ASIC2: variants seen among roughly 807,000 people sequenced by gnomAD.
ASIC2 encodes acid-sensing ion channel 2.
A neutral mutation model predicts 57.3 loss-of-function variants in ASIC2; 25 were observed. The ratio of observed to expected loss-of-function variants is 0.44; its 90% CI spans 0.32 to 0.61. The LOEUF (loss-of-function observed/expected upper bound fraction) is 0.61, where lower values mean the gene tolerates loss of function less well. ASIC2 is among the 20% of genes least tolerant of loss of function. The pLI is 0.06. For missense variants in ASIC2, 641 were observed against 738.1 expected, an observed-to-expected ratio of 0.87 and a Z score of 1.52; for synonymous variants, 319 against 307.5, an observed-to-expected ratio of 1.04 and a Z score of -0.39.
chr17:33,788,781 C>T (rs2142134633), intron 1 of ASIC2, among the ~76,000 whole-genome samples: 1 of 152,230 alleles, frequency 6.6e-6, no homozygotes, highest in African/African-American at 2.4e-5. Flanking sequence ...AGCCATCATC[C>T]TCAGCAAACT....
chr17:33,813,035 A>G (rs561050926), intron 1 of ASIC2, among the ~76,000 whole-genome samples: 5 of 152,130 alleles, frequency 3.3e-5, no homozygotes, highest in Non-Finnish European at 5.9e-5. Flanking sequence ...GGCCAGTTCC[A>G]TCCTTAATGG....
intron 1 of ASIC2, among the ~76,000 whole-genome samples, chr17:33,991,097 T>C (rs951001824): frequency 6.6e-6 from 1 of 152,210 alleles, no homozygotes; most frequent in Non-Finnish European, 1.5e-5. Context: ...CTGACTGCTA[T>C]AATAAAAACA....
chr17:33,629,891 T>G (rs1906105997), intron 1 of ASIC2, among the ~76,000 whole-genome samples: 1 of 152,108 alleles, frequency 6.6e-6, no homozygotes, highest in Non-Finnish European at 1.5e-5. Flanking sequence ...TAAAGAGATT[T>G]TATGTTTCTC....
intron 1 of ASIC2, among the ~76,000 whole-genome samples, chr17:33,927,095 A>G (rs1915839300): frequency 6.6e-6 from 1 of 151,996 alleles, no homozygotes; most frequent in East Asian, 1.9e-4. Context: ...TGCCTGGCTA[A>G]TTTTTGTATT....
intron 1 of ASIC2, among the ~76,000 whole-genome samples, chr17:33,340,003 C>T (rs1026407914): frequency 6.6e-6 from 1 of 152,174 alleles, no homozygotes; most frequent in African/African-American, 2.4e-5. Context: ...ACAGGTAACA[C>T]TCAGAGTTGC....
intron 1 of ASIC2, among the ~76,000 whole-genome samples, chr17:34,110,847 A>AT (rs1437471382): frequency 2.6e-5 from 4 of 152,100 alleles, no homozygotes; most frequent in African/African-American, 7.2e-5. Context: ...TTTGTGACTC[A>AT]TTTTTTGTGA....
intron 1 of ASIC2, among the ~76,000 whole-genome samples, chr17:33,391,505 AC>A (rs1909887467): frequency 6.6e-6 from 1 of 152,190 alleles, no homozygotes; most frequent in Admixed American, 6.5e-5. Context: ...AAAGTTTTTT[AC>A]AATATCCCAG....
chr17:33,723,785 A>G (rs1284662878), intron 1 of ASIC2, among the ~76,000 whole-genome samples: 1 of 152,178 alleles, frequency 6.6e-6, no homozygotes, highest in Non-Finnish European at 1.5e-5. Context: ...TTTGTTCTGG[A>G]TGGTGGTTCT....
intron 1 of ASIC2, among the ~76,000 whole-genome samples, chr17:33,691,902 T>G (rs994148549): frequency 1.3e-5 from 2 of 152,130 alleles, no homozygotes; most frequent in Non-Finnish European, 2.9e-5. Flanking sequence ...AAACACATCG[T>G]TGGGTGATTT....
intron 1 of ASIC2, among the ~76,000 whole-genome samples, chr17:33,376,421 C>T (rs2141942667): frequency 6.6e-6 from 1 of 152,070 alleles, no homozygotes. Flanking sequence ...AGGTTTGTTA[C>T]ATATGTATAC....
In ASIC2 at chr17:33,396,788, T is replaced by G. The variant is rs556051321; in HGVS notation, c.556-284721A>C. 2.6e-5 allele frequency among the ~76,000 whole-genome samples: 4 copies of G among 152,216 alleles called. No individual in the cohort carries two copies. In the South Asian group the frequency reaches 6.2e-4, roughly 24 times the overall value. Reference sequence around the variant, plus strand: ...AATATATCAGAAGGAACTTCAGTGATGGAGATAGGCATTGGGAAATTTACC... The same window carrying G: ...AATATATCAGAAGGAACTTCAGTGAGGGAGATAGGCATTGGGAAATTTACC... On this transcript the variant is annotated intron_variant, in intron 1 of 9. Coordinates refer to the ASIC2 transcript ENST00000359872.
chr17:33,259,325 C>T (rs893881482), intron 1 of ASIC2, among the ~76,000 whole-genome samples: 16 of 152,290 alleles, frequency 1.1e-4, no homozygotes, highest in East Asian at 3.9e-4. Context: ...TTACAATTCA[C>T]GCCATCAGTC....
At chr17:33,062,734 G>A (rs551284218) in intron 3 of ASIC2, among the ~76,000 whole-genome samples, 16 of 152,080 alleles carry the variant, frequency 1.1e-4, no homozygotes, top group African/African-American at 1.9e-4. Flanking sequence ...TTTCTGTCTC[G>A]TTGATGTGTC....
intron 1 of ASIC2, among the ~76,000 whole-genome samples, chr17:34,130,018 C>A (rs1326959401): frequency 6.6e-6 from 1 of 152,158 alleles, no homozygotes; most frequent in Admixed American, 6.5e-5. Flanking sequence ...AATTAGAGAA[C>A]GATAAAGCCA....
At chr17:33,260,997 T>C (rs1307986546) in intron 1 of ASIC2, among the ~76,000 whole-genome samples, 1 of 152,222 alleles carries the variant, frequency 6.6e-6, no homozygotes, top group African/African-American at 2.4e-5. Flanking sequence ...TCATTCCTTA[T>C]TGCCCTAATC....
chr17:33,511,187 A>G (rs536589555), intron 1 of ASIC2, among the ~76,000 whole-genome samples: 165 of 121,294 alleles, frequency 1.4e-3, no homozygotes, highest in Admixed American at 5.5e-3. Flanking sequence ...TTCTTGGTTC[A>G]TCGGCCATAC....
At chr17:33,349,500 C>T (rs1252295940) in intron 1 of ASIC2, among the ~76,000 whole-genome samples, 2 of 152,262 alleles carry the variant, frequency 1.3e-5, no homozygotes, top group Admixed American at 6.5e-5. Context: ...TGGGCTGATG[C>T]CCTACCAGGC....
At chr17:33,025,882 A>AGGCCCCC (rs1287894249) in intron 5 of ASIC2, 44 bp downstream of exon 5, 10 of 1,537,836 alleles carry the variant, frequency 6.5e-6, no homozygotes, top group Non-Finnish European at 8.8e-6. Context: ...TCTCAGTCTC[A>AGGCCCCC]GGCCCCCGGC....
intron 1 of ASIC2, among the ~76,000 whole-genome samples, chr17:33,527,931 T>C (rs1254676126): frequency 6.6e-6 from 1 of 152,138 alleles, no homozygotes; most frequent in Non-Finnish European, 1.5e-5. Flanking sequence ...ACTTTCGCTT[T>C]GACATTTTCT....
Sources: allele counts gnomAD v4.1 joint callset (sites outside exome capture counted in the v4.1 genomes callset), GRCh38; gene constraint gnomAD v4.1.1; transcripts MANE v1.5; gene names NCBI Gene and HGNC (gene_info 2026-07-23, HGNC 2026-07-21).